The following UNC13C variants were observed in gnomAD, a reference collection of about 807,000 sequenced individuals.
UNC13C encodes the protein protein unc-13 homolog C.
Under a neutral mutation model 245.4 loss-of-function variants are expected in UNC13C, and 174 were observed. The observed-to-expected ratio is 0.71, with a 90% CI of 0.63 to 0.80. The LOEUF is 0.80. Ranked by LOEUF, UNC13C falls within the 30% of genes least tolerant of loss-of-function variation. The pLI is 0.00. For missense variants in UNC13C, 2,829 were observed against 2,602.9 expected (o/e 1.09, Z -1.89); for synonymous variants, 992 against 895.1 (o/e 1.11, Z -1.93).
chr15:54,448,831 T>G (rs1890988122), intron 19 of UNC13C, among the ~76,000 whole-genome samples: 1 of 151,354 alleles, frequency 6.6e-6, no homozygotes, highest in Non-Finnish European at 1.5e-5. Flanking sequence ...TGTTAGCTGG[T>G]TATTTTGCTT....
At chr15:54,443,867 T>C (rs1025059963) in intron 19 of UNC13C, among the ~76,000 whole-genome samples, 1 of 152,062 alleles carries the variant, frequency 6.6e-6, no homozygotes, top group Non-Finnish European at 1.5e-5. Flanking sequence ...ATGAGAAGAA[T>C]GTATATTCCG....
the UNC13C span, among the ~76,000 whole-genome samples, chr15:53,927,869 T>C: frequency 2.0e-5 from 3 of 152,168 alleles, no homozygotes; most frequent in African/African-American, 7.2e-5. Context: ...GCTACCATCA[T>C]GTCTCTAAGA....
At chr15:54,342,701 T>A (rs2038763534) in intron 17 of UNC13C, among the ~76,000 whole-genome samples, 1 of 152,220 alleles carries the variant, frequency 6.6e-6, no homozygotes, top group African/African-American at 2.4e-5. Flanking sequence ...CAATGTTAGA[T>A]GAAGGCAAGT....
intron 4 of UNC13C, among the ~76,000 whole-genome samples, chr15:54,208,650 A>G (rs2034787747): frequency 6.6e-6 from 1 of 152,090 alleles, no homozygotes; most frequent in African/African-American, 2.4e-5. Context: ...AATAAGAACT[A>G]AACCAGAATA....
At chr15:54,371,709 T>TAC in intron 17 of UNC13C, among the ~76,000 whole-genome samples, 1 of 119,000 alleles carries the variant, frequency 8.4e-6, no homozygotes, top group South Asian at 2.8e-4. Context: ...ATAATGGATA[T>TAC]ATATATATAC....
intron 7 of UNC13C, among the ~76,000 whole-genome samples, chr15:54,248,307 A>G (rs1435259001): frequency 6.6e-6 from 1 of 152,162 alleles, no homozygotes; most frequent in Non-Finnish European, 1.5e-5. Context: ...TAGACCACAA[A>G]TGCTACATTA....
At chr15:53,978,081 T>C (rs149458640), upstream of UNC13C, among the ~76,000 whole-genome samples, 143 of 152,344 alleles carry the variant, frequency 9.4e-4, 1 homozygote, top group Middle Eastern at 3.4e-3. Context: ...TAATTCCAAG[T>C]ACAGTCAAGT....
At chr15:54,087,242 GA>G (rs1567002999) in intron 2 of UNC13C, among the ~76,000 whole-genome samples, 1 of 151,968 alleles carries the variant, frequency 6.6e-6, no homozygotes. Context: ...ATAAATCAAA[GA>G]GTCTTAAAAT....
At chr15:54,399,117 G>A (rs932641704) in intron 18 of UNC13C, among the ~76,000 whole-genome samples, 39 of 151,602 alleles carry the variant, frequency 2.6e-4, no homozygotes, top group African/African-American at 8.9e-4. Flanking sequence ...TGCACTGAGT[G>A]GAGTGTTAAG....
At chr15:54,286,388 A>T (rs2037150429) in intron 10 of UNC13C, among the ~76,000 whole-genome samples, 1 of 152,204 alleles carries the variant, frequency 6.6e-6, no homozygotes, top group South Asian at 2.1e-4. Flanking sequence ...CATTAGATCT[A>T]GCCCAACTAT....
chr15:54,403,160 T>C (rs1399908894), intron 18 of UNC13C, among the ~76,000 whole-genome samples: 1 of 152,194 alleles, frequency 6.6e-6, no homozygotes, highest in Non-Finnish European at 1.5e-5. Context: ...CCCATGCACA[T>C]CACACACGTT....
At chr15:54,112,667 C>A (rs937709634) in intron 2 of UNC13C, among the ~76,000 whole-genome samples, 2 of 152,212 alleles carry the variant, frequency 1.3e-5, no homozygotes, top group Non-Finnish European at 2.9e-5. Context: ...CTCAATTTTA[C>A]AGGCTGCTTT....
intron 19 of UNC13C, among the ~76,000 whole-genome samples, chr15:54,455,209 A>G (rs201425710): frequency 1.5e-4 from 4 of 26,354 alleles, no homozygotes; most frequent in African/African-American, 4.8e-4. Flanking sequence ...CTCTCTCTAT[A>G]TATATATATA....
intron 30 of UNC13C, among the ~76,000 whole-genome samples, chr15:54,584,443 C>T (rs1292538748): frequency 2.0e-5 from 3 of 152,176 alleles, no homozygotes; most frequent in Non-Finnish European, 4.4e-5. Flanking sequence ...AGAGCATCCC[C>T]CTTTGTGACC....
chr15:53,909,296 G>A, the UNC13C span, among the ~76,000 whole-genome samples: 1 of 146,162 alleles, frequency 6.8e-6, no homozygotes, highest in Non-Finnish European at 1.5e-5. Flanking sequence ...ATTTTATCAT[G>A]GAGATTTTAT....
chr15:54,276,648 G>A (rs2036840639), intron 10 of UNC13C, among the ~76,000 whole-genome samples: 1 of 152,086 alleles, frequency 6.6e-6, no homozygotes, highest in African/African-American at 2.4e-5. Context: ...GGGCTAGTTA[G>A]GATGTAATAC....
chr15:54,116,156 G>A (rs1393818504), intron 2 of UNC13C, among the ~76,000 whole-genome samples: 1 of 151,814 alleles, frequency 6.6e-6, no homozygotes, highest in Non-Finnish European at 1.5e-5. Context: ...AAACATAATA[G>A]ATGTACATAT....
At chr15:54,120,786 A>T (rs2030613995) in intron 2 of UNC13C, among the ~76,000 whole-genome samples, 2 of 152,006 alleles carry the variant, frequency 1.3e-5, no homozygotes, top group Non-Finnish European at 2.9e-5. Flanking sequence ...CTCATGGATG[A>T]CTTTGAGGGG....
At chr15:54,204,317 A>AAC (rs780225066) in intron 4 of UNC13C, among the ~76,000 whole-genome samples, 1 of 150,922 alleles carries the variant, frequency 6.6e-6, no homozygotes, top group Non-Finnish European at 1.5e-5. Context: ...AAAAAAAAAA[A>AAC]AAAACCAAAA....
Sources: allele counts gnomAD v4.1 joint callset (sites outside exome capture counted in the v4.1 genomes callset), GRCh38; gene constraint gnomAD v4.1.1; transcripts MANE v1.5; gene names NCBI Gene and HGNC (gene_info 2026-07-23, HGNC 2026-07-21).